Variants in MARCHF1 observed in about 807,000 individuals in gnomAD.
The protein encoded by MARCHF1 is E3 ubiquitin-protein ligase MARCHF1.
MARCHF1 carries 40 observed loss-of-function variants against 54.2 expected under a neutral mutation model. The observed-to-expected ratio is 0.74, with a 90% CI of 0.57 to 0.96. The LOEUF (loss-of-function observed/expected upper bound fraction) is 0.96. Ranked by LOEUF, MARCHF1 falls within the 40% of genes least tolerant of loss-of-function variation. The probability of loss-of-function intolerance (pLI) is 0.00; values close to 1 mark genes in which losing one functional copy is unlikely to be tolerated. For synonymous variants in MARCHF1, 236 were observed against 236.3 expected (o/e 1.00, Z 0.01); for missense variants, 586 against 656.5 (o/e 0.89, Z 1.17).
intron 4 of MARCHF1, among the ~76,000 whole-genome samples, chr4:163,751,564 AAC>A (rs779113115): frequency 1.4e-3 from 202 of 148,564 alleles, no homozygotes; most frequent in Admixed American, 2.3e-3. Context: ...ACTGTAATAA[AAC>A]ACAATTTTAT....
chr4:163,603,570 G>T (rs966407037), intron 7 of MARCHF1, among the ~76,000 whole-genome samples: 48 of 152,034 alleles, frequency 3.2e-4, no homozygotes, highest in African/African-American at 1.1e-3. Flanking sequence ...TAAACAATGA[G>T]TAATTCTTTA....
At chr4:163,710,948 G>A (rs1245688088) in intron 4 of MARCHF1, among the ~76,000 whole-genome samples, 1 of 151,984 alleles carries the variant, frequency 6.6e-6, no homozygotes, top group East Asian at 1.9e-4. Flanking sequence ...TATAAAGGAT[G>A]GTATATGGGC....
At chr4:164,107,452 T>C (rs572946663) in intron 2 of MARCHF1, among the ~76,000 whole-genome samples, 1 of 152,272 alleles carries the variant, frequency 6.6e-6, no homozygotes, top group Non-Finnish European at 1.5e-5. Context: ...ACTCTGCCTC[T>C]TGGGCTCAAG....
At chr4:164,116,723 T>C (rs1755946282) in intron 1 of MARCHF1, among the ~76,000 whole-genome samples, 1 of 152,066 alleles carries the variant, frequency 6.6e-6, no homozygotes, top group South Asian at 2.1e-4. Context: ...CAGAAAGTGC[T>C]ATCAGACAAC....
intron 1 of MARCHF1, among the ~76,000 whole-genome samples, chr4:164,226,981 G>GT (rs1449670934): frequency 1.2e-4 from 18 of 152,084 alleles, no homozygotes; most frequent in Non-Finnish European, 2.2e-4. Context: ...TTTGAGGGTG[G>GT]TTTTTTATTC....
intron 5 of MARCHF1, among the ~76,000 whole-genome samples, chr4:163,618,014 T>A (rs1328050497): frequency 1.3e-5 from 2 of 152,214 alleles, no homozygotes. Context: ...CACACAGCTT[T>A]CCTTTGGAGA....
At chr4:163,827,099 T>C (rs538984918) in intron 4 of MARCHF1, among the ~76,000 whole-genome samples, 1 of 140,036 alleles carries the variant, frequency 7.1e-6, no homozygotes, top group South Asian at 2.4e-4. Flanking sequence ...AAAAAAAAAG[T>C]AATGAAAACA....
intron 3 of MARCHF1, among the ~76,000 whole-genome samples, chr4:163,953,330 T>G (rs1752169968): frequency 6.6e-6 from 1 of 152,202 alleles, no homozygotes; most frequent in Non-Finnish European, 1.5e-5. Flanking sequence ...TCTTGCTGTA[T>G]GACTTTGAAA....
chr4:163,772,374 C>T (rs1278142516), intron 4 of MARCHF1, among the ~76,000 whole-genome samples: 3 of 152,124 alleles, frequency 2.0e-5, no homozygotes, highest in Admixed American at 1.3e-4. Context: ...CAGCCTCAAA[C>T]ACCTATTTAT....
intron 3 of MARCHF1, among the ~76,000 whole-genome samples, chr4:163,946,465 G>T (rs1328619953): frequency 6.6e-6 from 1 of 151,970 alleles, no homozygotes; most frequent in East Asian, 1.9e-4. Flanking sequence ...TTGGTCTATT[G>T]TATTTTTGCA....
intron 2 of MARCHF1, among the ~76,000 whole-genome samples, chr4:164,003,536 A>T (rs1338741956): frequency 6.6e-6 from 1 of 152,204 alleles, no homozygotes; most frequent in African/African-American, 2.4e-5. Context: ...GAATTCAGAA[A>T]TCAAATAGTA....
intron 5 of MARCHF1, among the ~76,000 whole-genome samples, chr4:163,663,585 T>C (rs1207630369): frequency 6.6e-6 from 1 of 152,006 alleles, no homozygotes; most frequent in Non-Finnish European, 1.5e-5. Flanking sequence ...CAATCATGGG[T>C]TTTACTGGCA....
chr4:163,728,873 C>T (rs781303267), intron 4 of MARCHF1, among the ~76,000 whole-genome samples: 1 of 152,138 alleles, frequency 6.6e-6, no homozygotes, highest in Non-Finnish European at 1.5e-5. Context: ...TTGCCTTGTT[C>T]CTAATCTTAG....
intron 1 of MARCHF1, among the ~76,000 whole-genome samples, chr4:164,291,366 TTAAAC>T (rs1258205158): frequency 5.3e-5 from 8 of 152,158 alleles, no homozygotes; most frequent in African/African-American, 9.6e-5. Flanking sequence ...TAAACTTTCT[TTAAAC>T]TAACAGTTTG....
At chr4:164,009,854 C>T (rs1288068006) in intron 2 of MARCHF1, among the ~76,000 whole-genome samples, 1 of 151,954 alleles carries the variant, frequency 6.6e-6, no homozygotes, top group Non-Finnish European at 1.5e-5. Context: ...TGGAGAAAAA[C>T]TGAAAGACTT....
intron 1 of MARCHF1, among the ~76,000 whole-genome samples, chr4:164,269,869 C>T (rs370139029): frequency 1.3e-5 from 2 of 152,076 alleles, no homozygotes; most frequent in African/African-American, 4.8e-5. Flanking sequence ...TGTTACATAG[C>T]GTTATTTGTT....
At chr4:163,865,880 A>G (rs1384725914) in intron 3 of MARCHF1, among the ~76,000 whole-genome samples, 1 of 151,648 alleles carries the variant, frequency 6.6e-6, no homozygotes, top group Non-Finnish European at 1.5e-5. Context: ...GCAAAACCCT[A>G]AAGATTAAAA....
intron 5 of MARCHF1, among the ~76,000 whole-genome samples, chr4:163,694,230 G>A (rs1744550369): frequency 6.6e-6 from 1 of 152,146 alleles, no homozygotes; most frequent in Non-Finnish European, 1.5e-5. Flanking sequence ...GGTGCTGTGA[G>A]TATTCCACCA....
At chr4:164,253,852 GAAAC>G (rs2111250962) in intron 1 of MARCHF1, among the ~76,000 whole-genome samples, 1 of 152,178 alleles carries the variant, frequency 6.6e-6, no homozygotes, top group African/African-American at 2.4e-5. Context: ...GCATTAAAAT[GAAAC>G]AAATTACAGA....
Sources: allele counts gnomAD v4.1 joint callset (sites outside exome capture counted in the v4.1 genomes callset), GRCh38; gene constraint gnomAD v4.1.1; transcripts MANE v1.5; gene names NCBI Gene and HGNC (gene_info 2026-07-23, HGNC 2026-07-21).